The following ACO1 variants were observed in gnomAD, a reference collection of about 807,000 sequenced individuals.
The protein encoded by ACO1 is cytoplasmic aconitate hydratase.
A neutral mutation model predicts 105.1 loss-of-function variants in ACO1; 78 were observed. The observed-to-expected ratio is 0.74, with a 90% CI of 0.62 to 0.90. ACO1 has a LOEUF of 0.90. Among genes scored for constraint, ACO1 ranks in the 40% least tolerant of loss-of-function variants. The pLI, the probability that ACO1 is intolerant of heterozygous loss-of-function variation, is 0.00. For synonymous variants in ACO1, 364 were observed against 397.4 expected, an observed-to-expected ratio of 0.92 and a Z score of 1.00; for missense variants, 965 against 1,111.1, an observed-to-expected ratio of 0.87 and a Z score of 1.87.
chr9:32,426,062 G>C (rs1003779874), intron 11 of ACO1, 65 bp downstream of exon 11: 9 of 1,542,180 alleles, frequency 5.8e-6, no homozygotes, highest in Non-Finnish European at 7.9e-6. Context: ...CCCGAGACAG[G>C]GCCCAGGGCC....
chr9:32,401,333 T>G (rs1263394300), intron 1 of ACO1, among the ~76,000 whole-genome samples: 2 of 111,238 alleles, frequency 1.8e-5, no homozygotes, highest in African/African-American at 3.0e-5. Context: ...ATTTTAAGGG[T>G]TTTTTTTTTC....
intron 17 of ACO1, chr9:32,436,012 G>A: frequency 1.5e-6 from 1 of 664,054 alleles, no homozygotes; most frequent in Non-Finnish European, 2.8e-6. Context: ...AGATTTGAAA[G>A]ACAATTAACC....
chr9:32,392,431 A>G (rs10970953), intron 1 of ACO1, among the ~76,000 whole-genome samples: 65,884 of 152,084 alleles, frequency 0.43, 14,797 homozygotes, highest in Non-Finnish European at 0.5. Flanking sequence ...GGCACCCCAC[A>G]GGCACTCAGC....
At position 32,427,296 on chromosome 9, in the gene ACO1, C is replaced by T; in HGVS notation, c.1349-5C>T. On this transcript the variant is annotated splice_region_variant and splice_polypyrimidine_tract_variant and intron_variant, in intron 11 of 20. Coordinates refer to ENST00000309951, the MANE Select transcript of ACO1 (RefSeq NM_002197.3). ...CACACTGCATCTGTGTTTACCATTT[C>T]ACAGGATTGTTAGCAAAGAAAGCTG... is the stretch of plus-strand genomic sequence containing the variant. 1 of 1,614,076 alleles carries T rather than the reference C, an allele frequency of 6.2e-7. No homozygotes were observed. Among genetic ancestry groups the T allele is most frequent in the Middle Eastern group, 1.7e-4 (1 of 6,060 alleles).
At chr9:32,432,483 C>T (rs935586326) in intron 15 of ACO1, among the ~76,000 whole-genome samples, 4 of 152,216 alleles carry the variant, frequency 2.6e-5, no homozygotes, top group East Asian at 1.9e-4. Context: ...GATGTTCACA[C>T]GCTGCACTCT....
At position 32,408,592 on chromosome 9, in the gene ACO1, C is replaced by A. The variant is rs773570766; in HGVS notation, c.345C>A (p.Asn115Lys). ...TAGGAGGAGATCCAGAGAAAATAAA[C>A]CCTGTCTGCCCTGCTGATCTTGTAA... ...KKLGGDPEKI[N>K]PVCPADLVID... The change falls in exon 4 of 21, where the codon AAC becomes AAA. Residue 115 changes from asparagine to lysine, a missense_variant. Asn to Lys is a moderately conservative substitution (Grantham distance 94). Coordinates refer to ENST00000309951, the MANE Select transcript of ACO1 (RefSeq NM_002197.3). The A allele has an allele frequency of 3.1e-6, 5 of 1,614,032 alleles. No homozygotes were observed. The highest frequency in any genetic ancestry group is 1.7e-6 in the Non-Finnish European group (2 of 1,180,020).
At chr9:32,448,831 T>C (rs917996489) in intron 19 of ACO1, 65 bp from the exon 20 acceptor site, 8 of 1,587,806 alleles carry the variant, frequency 5.0e-6, no homozygotes, top group Admixed American at 1.7e-5. Flanking sequence ...ACAAAGTCTT[T>C]TGTAAACCTG....
chr9:32,452,369 A>AAATT lies in ACO1; in HGVS notation c.*2260_*2261insTTAA, dbSNP rs1401533939. On this transcript the variant is annotated 3_prime_UTR_variant, in exon 21 of 21. Coordinates refer to ENST00000309951, the MANE Select transcript of ACO1 (RefSeq NM_002197.3). ...TAGATCATGAGGGTAGTGCCTTTTAAAAGAGACTCAAGATAAGATAGAGAC... is the reference window on the plus strand; with the variant it reads ...TAGATCATGAGGGTAGTGCCTTTTAAAATTAAGAGACTCAAGATAAGATAGAGAC... 1 of 152,180 alleles carries AAATT rather than the reference A, an allele frequency of 6.6e-6. No individual in the cohort carries two copies. The highest frequency in any genetic ancestry group is 6.5e-5 in the Admixed American group (1 of 15,284). The allele number at this position is 152,180 out of a possible 1,614,324, so 9.4% of individuals were successfully genotyped here. A position where few individuals can be genotyped will look rare whatever the true frequency, so the allele number is the denominator to read the frequency against.
In ACO1 at chr9:32,452,078, A is replaced by C. The variant is rs1420621733; in HGVS notation, c.*1967A>C. 1 of 152,140 alleles carries C rather than the reference A, an allele frequency of 6.6e-6. No individual in the cohort carries two copies. The highest frequency in any genetic ancestry group is 1.5e-5 in the Non-Finnish European group (1 of 68,066). The allele number at this position is 152,140 out of a possible 1,614,324, so 9.4% of individuals were successfully genotyped here. A position where few individuals can be genotyped will look rare whatever the true frequency, so the allele number is the denominator to read the frequency against. On this transcript the variant is annotated 3_prime_UTR_variant, in exon 21 of 21. Transcript: ENST00000309951. ...AAGCTCCGTCTCAAAAAAAAAAAAA[A>C]ATTACAAACAAACAGAACTCCATTG...
At position 32,452,629 on chromosome 9, in the gene ACO1, T is replaced by C. The variant is rs17288914; in HGVS notation, c.*2518T>C. On this transcript the variant is annotated 3_prime_UTR_variant, in exon 21 of 21. Coordinates refer to ENST00000309951, the MANE Select transcript of ACO1 (RefSeq NM_002197.3). The stretch of plus-strand genomic sequence containing the variant: ...CATTATTGTGGCTAGACTAATGGAA[T>C]TGGGTCCCTTACCTCCAAGTACACC... 0.17 allele frequency: 26,559 copies of C among 151,850 alleles called. 2,618 individuals are homozygous for C. The highest frequency in any genetic ancestry group is 0.33 in the South Asian group (1,571 of 4,802). 9.4% of individuals were successfully genotyped at this position (151,850 alleles called of 1,614,324 possible). A position where few individuals can be genotyped will look rare whatever the true frequency, so the allele number is the denominator to read the frequency against.
At chr9:32,387,687 A>G (rs1004586183) in intron 1 of ACO1, among the ~76,000 whole-genome samples, 6 of 152,174 alleles carry the variant, frequency 3.9e-5, no homozygotes, top group African/African-American at 1.4e-4. Context: ...GTAGTGAAAT[A>G]TTTTAGGCTT....
intron 1 of ACO1, among the ~76,000 whole-genome samples, chr9:32,390,895 C>T (rs1361350382): frequency 1.3e-5 from 2 of 152,184 alleles, no homozygotes; most frequent in Admixed American, 6.5e-5. Context: ...TCATACAATG[C>T]ATCCCCTCAC....
chr9:32,453,894 A>G lies in ACO1; in HGVS notation c.*3783A>G, dbSNP rs1822822868. On this transcript the variant is annotated 3_prime_UTR_variant, in exon 21 of 21. Coordinates refer to ENST00000309951, the MANE Select transcript of ACO1 (RefSeq NM_002197.3). ...AACAAAGATTATATAACGATAGCTG[A>G]TATTAAGTAAGTTTTAAAAGTTGAC... The G allele has an allele frequency of 6.6e-6, 1 of 152,246 alleles. No homozygotes were observed. Among genetic ancestry groups the G allele is most frequent in the Non-Finnish European group, 1.5e-5 (1 of 68,044 alleles). 9.4% of individuals were successfully genotyped at this position (152,246 alleles called of 1,614,324 possible).
intron 1 of ACO1, among the ~76,000 whole-genome samples, chr9:32,398,005 A>G (rs1821407268): frequency 6.6e-6 from 1 of 152,074 alleles, no homozygotes; most frequent in Admixed American, 6.5e-5. Context: ...TGTACCCCCA[A>G]AACAAACAAA....
At position 32,404,040 on chromosome 9, in the gene ACO1, T is replaced by G. The variant is rs139130731; in HGVS notation, c.-22-1445T>G. ...CTGAGCCCACAGATTTGTAAACTTC[T>G]CCTTCTGCAGATAAGCTAGCAGGTT... On this transcript the variant is annotated intron_variant, in intron 1 of 20. Transcript: ENST00000309951. Among the ~76,000 whole-genome samples, 642 of 152,154 alleles carry G rather than the reference T, an allele frequency of 4.2e-3. 2 individuals carry two copies. The highest frequency in any genetic ancestry group is 0.015 in the African/African-American group (612 of 41,412).
At chr9:32,417,374 C>G (rs1341479259) in intron 4 of ACO1, among the ~76,000 whole-genome samples, 1 of 152,182 alleles carries the variant, frequency 6.6e-6, no homozygotes, top group Admixed American at 6.5e-5. Flanking sequence ...ATTAATTTTA[C>G]TAGCCTTTCC....
At chr9:32,443,915 C>T (rs570000151) in intron 19 of ACO1, among the ~76,000 whole-genome samples, 3 of 152,200 alleles carry the variant, frequency 2.0e-5, no homozygotes, top group Non-Finnish European at 4.4e-5. Flanking sequence ...TGGTTTGCTG[C>T]ACCCATCAAC....
At chr9:32,432,673 CAG>C (rs1002010931) in intron 15 of ACO1, among the ~76,000 whole-genome samples, 2 of 152,204 alleles carry the variant, frequency 1.3e-5, no homozygotes, top group African/African-American at 4.8e-5. Flanking sequence ...CCAAAACACT[CAG>C]AGAGTAATTT....
chr9:32,425,774 G>C (rs563068608), intron 10 of ACO1, 64 bp from the exon 11 acceptor site: 7 of 1,205,200 alleles, frequency 5.8e-6, no homozygotes, highest in Non-Finnish European at 6.9e-6. Flanking sequence ...TTTTCCTCTA[G>C]CCAGATACAT....
Sources: allele counts gnomAD v4.1 joint callset (sites outside exome capture counted in the v4.1 genomes callset), GRCh38; gene constraint gnomAD v4.1.1; transcripts MANE v1.5; gene names NCBI Gene and HGNC (gene_info 2026-07-23, HGNC 2026-07-21).